Variants in CA10 observed in about 807,000 individuals in gnomAD.
CA10 encodes the protein carbonic anhydrase 10 (inactive), also known as carbonic anhydrase-related protein 10.
A neutral mutation model predicts 44.2 loss-of-function variants in CA10; 14 were observed. The ratio of observed to expected loss-of-function variants is 0.32; its 90% CI spans 0.21 to 0.50. CA10 has a LOEUF of 0.50. CA10 is among the 20% of genes least tolerant of loss of function. CA10 has a pLI of 0.99. For synonymous variants in CA10, 159 were observed against 141.6 expected (o/e 1.12, Z -0.87); for missense variants, 350 against 409.7 (o/e 0.85, Z 1.26).
chr17:51,829,438 C>T (rs1000483838), intron 3 of CA10, among the ~76,000 whole-genome samples: 1 of 152,126 alleles, frequency 6.6e-6, no homozygotes, highest in Non-Finnish European at 1.5e-5. Context: ...ACCCCTGTGA[C>T]ATCTTGCAAA....
chr17:51,835,590 T>C (rs1567855943), intron 3 of CA10, among the ~76,000 whole-genome samples: 1 of 152,206 alleles, frequency 6.6e-6, no homozygotes, highest in African/African-American at 2.4e-5. Context: ...TTGTTATCTT[T>C]CGATTCAACA....
intron 3 of CA10, among the ~76,000 whole-genome samples, chr17:51,817,388 GAA>G (rs533666480): frequency 1.3e-5 from 2 of 152,344 alleles, no homozygotes; most frequent in South Asian, 4.1e-4. Context: ...CTCTTTAAGA[GAA>G]AGTTTGCCAA....
In CA10 at chr17:52,157,847, G is replaced by GACAC; in HGVS notation, c.-65_-62dup. 1.5e-6 allele frequency: 2 copies of GACAC among 1,323,288 alleles called. No homozygotes were observed. The highest frequency in any genetic ancestry group is 2.2e-6 in the Non-Finnish European group (2 of 914,668). The allele number at this position is 1,323,288 out of a possible 1,614,324, so 82.0% of individuals were successfully genotyped here. On this transcript the variant is annotated 5_prime_UTR_variant, in exon 1 of 9. The change abolishes the stop of an existing upstream ORF in the 5' untranslated region. Coordinates refer to ENST00000451037, the MANE Select transcript of CA10 (RefSeq NM_020178.5). ...GAAAACGGGGGGAAGGGGGGAGCCC[G>GACAC]ACACGGCACACACACATACACACTC... is the stretch of plus-strand genomic sequence containing the variant.
chr17:51,829,704 T>C (rs937087268), intron 3 of CA10, among the ~76,000 whole-genome samples: 8 of 152,200 alleles, frequency 5.3e-5, no homozygotes, highest in Admixed American at 2.6e-4. Context: ...TGCTTATAAT[T>C]ATCACCCCAG....
chr17:51,655,945 G>A (rs1299727703), intron 4 of CA10, among the ~76,000 whole-genome samples: 1 of 152,176 alleles, frequency 6.6e-6, no homozygotes, highest in African/African-American at 2.4e-5. Context: ...CTCTGCCTCC[G>A]CAGGACTTTT....
chr17:51,732,477 A>G (rs1024603407), intron 4 of CA10, among the ~76,000 whole-genome samples: 6 of 152,304 alleles, frequency 3.9e-5, no homozygotes, highest in East Asian at 3.9e-4. Flanking sequence ...TTTGAGTCGG[A>G]TGTGTCAACA....
At chr17:51,646,968 A>G (rs1360235659) in intron 6 of CA10, among the ~76,000 whole-genome samples, 1 of 152,026 alleles carries the variant, frequency 6.6e-6, no homozygotes, top group Non-Finnish European at 1.5e-5. Context: ...TAAATCAGCT[A>G]TCTTTCCCCA....
intron 3 of CA10, among the ~76,000 whole-genome samples, chr17:51,769,508 T>C (rs2143653372): frequency 6.6e-6 from 1 of 152,186 alleles, no homozygotes; most frequent in East Asian, 1.9e-4. Flanking sequence ...GGGAGTGGGT[T>C]AAAGGGTACT....
chr17:51,970,552 T>C (rs758807319), intron 2 of CA10, among the ~76,000 whole-genome samples: 119 of 152,082 alleles, frequency 7.8e-4, no homozygotes, highest in Admixed American at 8.5e-4. Flanking sequence ...TAGCAGAGCA[T>C]AGATGTGTTG....
chr17:51,779,625 G>A (rs760532148), intron 3 of CA10, among the ~76,000 whole-genome samples: 1 of 152,164 alleles, frequency 6.6e-6, no homozygotes, highest in Non-Finnish European at 1.5e-5. Context: ...AACCTCTGTG[G>A]CTTAGGATCC....
chr17:51,946,609 AC>A (rs1244649820), intron 2 of CA10, among the ~76,000 whole-genome samples: 4 of 151,980 alleles, frequency 2.6e-5, no homozygotes, highest in African/African-American at 9.7e-5. Flanking sequence ...CATGTCCCTC[AC>A]CTGGCATGCC....
At chr17:51,779,389 T>G (rs1905956182) in intron 3 of CA10, among the ~76,000 whole-genome samples, 1 of 152,090 alleles carries the variant, frequency 6.6e-6, no homozygotes, top group Non-Finnish European at 1.5e-5. Context: ...TGCATTAATA[T>G]TGATTAAGAA....
chr17:51,912,986 G>A (rs528150348), intron 3 of CA10, among the ~76,000 whole-genome samples: 3 of 152,140 alleles, frequency 2.0e-5, no homozygotes, highest in Non-Finnish European at 4.4e-5. Flanking sequence ...TCAGTTACAG[G>A]AGGAAAAGCT....
At chr17:51,846,185 G>A (rs1978485621) in intron 3 of CA10, among the ~76,000 whole-genome samples, 1 of 152,226 alleles carries the variant, frequency 6.6e-6, no homozygotes, top group Admixed American at 6.5e-5. Context: ...TCAAGTGCCT[G>A]CCATGCACTG....
At chr17:51,895,501 GA>G (rs1386849189) in intron 3 of CA10, among the ~76,000 whole-genome samples, 1 of 151,962 alleles carries the variant, frequency 6.6e-6, no homozygotes, top group Non-Finnish European at 1.5e-5. Flanking sequence ...AGATAAAGTT[GA>G]AAAACAGAAA....
At chr17:51,814,414 T>C (rs1434875087) in intron 3 of CA10, among the ~76,000 whole-genome samples, 1 of 152,092 alleles carries the variant, frequency 6.6e-6, no homozygotes, top group Non-Finnish European at 1.5e-5. Flanking sequence ...TTTGGGAAAA[T>C]ATTAGTCCCT....
At chr17:51,927,105 G>A (rs943505381) in intron 3 of CA10, among the ~76,000 whole-genome samples, 17 of 152,044 alleles carry the variant, frequency 1.1e-4, no homozygotes, top group Admixed American at 3.3e-4. Context: ...AGGATTTGTC[G>A]TGTCATCAAC....
chr17:52,102,363 T>A (rs1988559783), intron 1 of CA10, among the ~76,000 whole-genome samples: 1 of 152,200 alleles, frequency 6.6e-6, no homozygotes, highest in Admixed American at 6.5e-5. Flanking sequence ...GCAAATGCAA[T>A]GTTGTTAAAA....
intron 3 of CA10, among the ~76,000 whole-genome samples, chr17:51,833,565 G>A (rs1908363544): frequency 6.6e-6 from 1 of 152,132 alleles, no homozygotes; most frequent in Non-Finnish European, 1.5e-5. Context: ...AATTTTCAAT[G>A]CTACCTTTAA....
Sources: gnomAD v4.1 joint callset for allele counts (sites outside exome capture counted in the v4.1 genomes callset) on GRCh38, gnomAD v4.1.1 for gene constraint, MANE v1.5 for transcripts, NCBI Gene and HGNC (gene_info 2026-07-23, HGNC 2026-07-21) for gene names.